Variants in LRP1B observed in about 807,000 individuals in gnomAD.
LRP1B encodes low-density lipoprotein receptor-related protein 1B.
A neutral mutation model predicts 556.6 loss-of-function variants in LRP1B; 217 were observed. The ratio of observed to expected loss-of-function variants is 0.39; its 90% CI spans 0.35 to 0.44. The LOEUF (loss-of-function observed/expected upper bound fraction) is 0.44, where lower values mean the gene tolerates loss of function less well. LRP1B is among the 20% of genes least tolerant of loss of function. The probability of loss-of-function intolerance (pLI) is 1.00; values close to 1 mark genes in which losing one functional copy is unlikely to be tolerated. For synonymous variants in LRP1B, 2,047 were observed against 1,865.8 expected (o/e 1.10, Z -2.50); for missense variants, 5,053 against 5,620.8 (o/e 0.90, Z 3.23).
chr2:141,684,413 TAG>T (rs889814013), intron 2 of LRP1B, among the ~76,000 whole-genome samples: 2 of 151,322 alleles, frequency 1.3e-5, no homozygotes, highest in African/African-American at 4.9e-5. Context: ...TGAGAACACA[TAG>T]ACACAGGGAT....
chr2:140,966,828 G>A (rs902226206), intron 18 of LRP1B, among the ~76,000 whole-genome samples: 1 of 152,050 alleles, frequency 6.6e-6, no homozygotes, highest in African/African-American at 2.4e-5. Context: ...GTTTTTGTCA[G>A]GTCTGTCAAA....
At chr2:141,563,172 G>C (rs1686222547) in intron 2 of LRP1B, among the ~76,000 whole-genome samples, 1 of 152,006 alleles carries the variant, frequency 6.6e-6, no homozygotes, top group African/African-American at 2.4e-5. Flanking sequence ...AGACAGAGTA[G>C]TTCAGGGTTT....
At chr2:141,310,259 C>A (rs1466919752) in intron 3 of LRP1B, among the ~76,000 whole-genome samples, 1 of 152,036 alleles carries the variant, frequency 6.6e-6, no homozygotes, top group Non-Finnish European at 1.5e-5. Flanking sequence ...AAATTAAGTT[C>A]TATTATAAAC....
intron 1 of LRP1B, among the ~76,000 whole-genome samples, chr2:142,068,918 C>T (rs1378965727): frequency 1.3e-5 from 2 of 151,508 alleles, no homozygotes; most frequent in Non-Finnish European, 3.0e-5. Flanking sequence ...CTAATTCATC[C>T]TTGCAATGCA....
chr2:141,243,793 G>T (rs781759284), intron 5 of LRP1B, among the ~76,000 whole-genome samples: 1 of 152,066 alleles, frequency 6.6e-6, no homozygotes, highest in African/African-American at 2.4e-5. Context: ...CTTACTAAGC[G>T]TAGAAAGGAG....
chr2:140,709,483 G>GGAGGAGGAGGAGGAGGAACAA (rs1352912885), intron 37 of LRP1B, among the ~76,000 whole-genome samples: 8 of 151,146 alleles, frequency 5.3e-5, no homozygotes, highest in Non-Finnish European at 7.4e-5. Context: ...AAGAGGAAGA[G>GGAGGAGGAGGAGGAGGAACAA]GAGGAGGAGG....
At position 141,277,099 on chromosome 2, in the gene LRP1B, T is replaced by A. The variant is rs917738128; in HGVS notation, c.344-22458A>T. ...ATTATGAATAGTGCTGTAATAAACA[T>A]GCAAGTGCATACGTCTTTATGGTAG... On this transcript the variant is annotated intron_variant, in intron 3 of 90. Coordinates refer to ENST00000389484, the MANE Select transcript of LRP1B (RefSeq NM_018557.3). 2.6e-5 allele frequency among the ~76,000 whole-genome samples: 4 copies of A among 152,366 alleles called. No homozygotes were observed. The East Asian group carries it at 7.7e-4, about 29-fold the overall frequency.
intron 3 of LRP1B, among the ~76,000 whole-genome samples, chr2:141,261,592 A>G (rs1684687353): frequency 6.6e-6 from 1 of 152,284 alleles, no homozygotes; most frequent in Non-Finnish European, 1.5e-5. Context: ...AGTATGTCAT[A>G]TAAATGAAAT....
intron 66 of LRP1B, among the ~76,000 whole-genome samples, chr2:140,430,533 G>A (rs1358961315): frequency 1.3e-5 from 2 of 152,200 alleles, no homozygotes; most frequent in African/African-American, 2.4e-5. Flanking sequence ...GGCTAGACAA[G>A]CAGCTAGCTT....
chr2:141,277,596 A>G (rs1416630049), intron 3 of LRP1B, among the ~76,000 whole-genome samples: 1 of 152,088 alleles, frequency 6.6e-6, no homozygotes, highest in Non-Finnish European at 1.5e-5. Context: ...GGAATAAAAG[A>G]TAGCAGATTA....
intron 31 of LRP1B, among the ~76,000 whole-genome samples, chr2:140,829,812 T>C (rs1408603008): frequency 6.6e-6 from 1 of 150,510 alleles, no homozygotes; most frequent in Non-Finnish European, 1.5e-5. Flanking sequence ...AAAAATAATA[T>C]AAAAGATAAA....
chr2:140,345,520 GTCCTTCTTT>G (rs1182640659), intron 77 of LRP1B, among the ~76,000 whole-genome samples: 2 of 150,910 alleles, frequency 1.3e-5, no homozygotes, highest in African/African-American at 4.9e-5. Flanking sequence ...CTTGATTCCA[GTCCTTCTTT>G]TCCTCCTTTC....
chr2:141,528,238 C>A (rs987990872), intron 2 of LRP1B, among the ~76,000 whole-genome samples: 18 of 151,938 alleles, frequency 1.2e-4, no homozygotes, highest in African/African-American at 3.6e-4. Context: ...GGGGTTCTCT[C>A]ATAACGGGTT....
In LRP1B at chr2:141,803,925, C is replaced by T. The variant is rs61243610; in HGVS notation, c.205+6354G>A. Among the ~76,000 whole-genome samples, 154 of 152,200 alleles carry T rather than the reference C, an allele frequency of 1.0e-3. 1 individual carries two copies. Among genetic ancestry groups the T allele is most frequent in the African/African-American group, 3.6e-3 (151 of 41,546 alleles). On this transcript the variant is annotated intron_variant, in intron 2 of 90. Transcript: ENST00000389484. ...TACCTAAATAAAGTTTAAAATTTCA[C>T]AACAACGGAAACATAATAGAATCAT...
chr2:141,047,049 A>T (rs867798321), intron 11 of LRP1B, among the ~76,000 whole-genome samples: 1 of 6,136 alleles, frequency 1.6e-4, no homozygotes, highest in African/African-American at 2.8e-4. Context: ...AGCACTGCAC[A>T]AAAATTAATA....
At chr2:141,339,835 C>A (rs1400676238) in intron 3 of LRP1B, among the ~76,000 whole-genome samples, 1 of 151,904 alleles carries the variant, frequency 6.6e-6, no homozygotes, top group East Asian at 1.9e-4. Flanking sequence ...GTTACATGGA[C>A]ATATTGTGTG....
intron 23 of LRP1B, among the ~76,000 whole-genome samples, chr2:140,895,444 G>C (rs77387317): frequency 6.6e-6 from 1 of 152,128 alleles, no homozygotes; most frequent in Non-Finnish European, 1.5e-5. Context: ...TCAACCCCTC[G>C]TGGGAAGGGG....
intron 2 of LRP1B, among the ~76,000 whole-genome samples, chr2:141,804,745 TATGG>T (rs1696116823): frequency 6.6e-6 from 1 of 152,028 alleles, no homozygotes; most frequent in South Asian, 2.1e-4. Flanking sequence ...GGAATGTTAC[TATGG>T]AATAGGCACT....
chr2:141,493,979 T>C (rs942308620), intron 2 of LRP1B, among the ~76,000 whole-genome samples: 7 of 152,154 alleles, frequency 4.6e-5, no homozygotes, highest in African/African-American at 1.7e-4. Context: ...TAACTGACCC[T>C]TACCACAAAA....
Sources: gnomAD v4.1 joint callset for allele counts (sites outside exome capture counted in the v4.1 genomes callset) on GRCh38, gnomAD v4.1.1 for gene constraint, MANE v1.5 for transcripts, NCBI Gene and HGNC (gene_info 2026-07-23, HGNC 2026-07-21) for gene names.